The following MGAT4C variants were observed in gnomAD, a reference collection of about 807,000 sequenced individuals.
MGAT4C encodes MGAT4 family member C, also known as alpha-1,3-mannosyl-glycoprotein 4-beta-N-acetylglucosaminyltransferase C.
In MGAT4C, 19 loss-of-function variants were observed where a neutral mutation model predicts 40.1. The observed-to-expected ratio is 0.47, with a 90% confidence interval of 0.33 to 0.70. The LOEUF (loss-of-function observed/expected upper bound fraction) is 0.70, where lower values mean the gene tolerates loss of function less well. Among genes scored for constraint, MGAT4C ranks in the 30% least tolerant of loss-of-function variants. MGAT4C has a pLI of 0.02. For missense variants in MGAT4C, 491 were observed against 563.2 expected, an observed-to-expected ratio of 0.87 and a Z score of 1.30; for synonymous variants, 181 against 187.1, an observed-to-expected ratio of 0.97 and a Z score of 0.27.
intron 4 of MGAT4C, among the ~76,000 whole-genome samples, chr12:86,264,175 CTT>C (rs933609681): frequency 1.3e-5 from 2 of 152,082 alleles, no homozygotes; most frequent in African/African-American, 4.8e-5. Context: ...TGTGCAGAAG[CTT>C]TTTAGTTTAA....
intron 2 of MGAT4C, among the ~76,000 whole-genome samples, chr12:86,652,392 T>G (rs992636988): frequency 5.9e-5 from 9 of 151,862 alleles, no homozygotes; most frequent in Non-Finnish European, 1.2e-4. Flanking sequence ...CATGAACGAT[T>G]TTTAAATTTC....
At chr12:86,076,454 G>A (rs535190020) in intron 1 of MGAT4C, among the ~76,000 whole-genome samples, 63 of 152,122 alleles carry the variant, frequency 4.1e-4, no homozygotes, top group Non-Finnish European at 7.4e-4. Flanking sequence ...CACAGTTTCA[G>A]GTATCTTTTC....
chr12:86,270,865 T>A (rs1952928100), intron 4 of MGAT4C, among the ~76,000 whole-genome samples: 1 of 152,166 alleles, frequency 6.6e-6, no homozygotes, highest in African/African-American at 2.4e-5. Context: ...AAATGTCATG[T>A]ATTTATAACT....
chr12:86,790,019 TGTTA>T (rs985770901), intron 1 of MGAT4C, among the ~76,000 whole-genome samples: 24 of 152,256 alleles, frequency 1.6e-4, no homozygotes, highest in African/African-American at 5.8e-4. Context: ...TTCTTTGAGC[TGTTA>T]GTGAGACCAT....
chr12:86,696,016 C>A (rs954267970), intron 2 of MGAT4C, among the ~76,000 whole-genome samples: 1 of 151,790 alleles, frequency 6.6e-6, no homozygotes, highest in Non-Finnish European at 1.5e-5. Flanking sequence ...TCAAGACCAT[C>A]CTGGCCAACA....
At chr12:86,212,377 T>C (rs906498022) in intron 1 of MGAT4C, among the ~76,000 whole-genome samples, 1 of 152,084 alleles carries the variant, frequency 6.6e-6, no homozygotes, top group Admixed American at 6.5e-5. Flanking sequence ...AAAATAAGTA[T>C]AGTAATTTTC....
At chr12:86,624,063 G>A (rs755466230) in intron 2 of MGAT4C, among the ~76,000 whole-genome samples, 16 of 152,154 alleles carry the variant, frequency 1.1e-4, no homozygotes, top group Non-Finnish European at 1.9e-4. Flanking sequence ...CTCACTCAGG[G>A]TAAACACCAC....
intron 2 of MGAT4C, among the ~76,000 whole-genome samples, chr12:86,543,348 T>C (rs1031329514): frequency 4.6e-5 from 7 of 151,746 alleles, no homozygotes; most frequent in African/African-American, 1.7e-4. Flanking sequence ...CACATTTCTT[T>C]TTTTAAACCT....
intron 2 of MGAT4C, among the ~76,000 whole-genome samples, chr12:86,650,416 T>C (rs78622745): frequency 2.0e-5 from 3 of 151,836 alleles, no homozygotes; most frequent in African/African-American, 7.2e-5. Flanking sequence ...AGCTAGCATA[T>C]TGCAATGTAA....
intron 1 of MGAT4C, among the ~76,000 whole-genome samples, chr12:86,085,285 A>G (rs1871571302): frequency 1.3e-5 from 2 of 152,048 alleles, no homozygotes; most frequent in African/African-American, 4.8e-5. Flanking sequence ...ACCCATGCCT[A>G]TGTCCTGAAC....
intron 2 of MGAT4C, among the ~76,000 whole-genome samples, chr12:85,995,841 C>T (rs1288603779): frequency 6.6e-6 from 1 of 152,160 alleles, no homozygotes; most frequent in Non-Finnish European, 1.5e-5. Context: ...CACTGCACTC[C>T]AGCCTAGGCA....
intron 1 of MGAT4C, among the ~76,000 whole-genome samples, chr12:86,246,293 C>T (rs1401147739): frequency 3.4e-5 from 5 of 147,384 alleles, no homozygotes; most frequent in African/African-American, 5.0e-5. Context: ...TCACGCCATT[C>T]TCCTGCCTCA....
At chr12:86,671,337 T>C (rs929035577) in intron 2 of MGAT4C, among the ~76,000 whole-genome samples, 1 of 152,182 alleles carries the variant, frequency 6.6e-6, no homozygotes, top group Non-Finnish European at 1.5e-5. Context: ...CTTTTTTTTC[T>C]AAATGGGAAA....
chr12:86,639,642 C>A (rs765028960), intron 2 of MGAT4C, among the ~76,000 whole-genome samples: 39 of 151,584 alleles, frequency 2.6e-4, no homozygotes, highest in Non-Finnish European at 5.3e-4. Flanking sequence ...TGAAGTTGAG[C>A]AAAATTATCA....
rs1883629552 is a variant in MGAT4C at position 85,971,665 on chromosome 12, C to T, written c.*7624G>A. ...GATACGTACCAAAATTGTCTTTTGACCCTCTCAGGGAGTCAAGTTTTGATT... is the reference window on the plus strand; with the variant it reads ...GATACGTACCAAAATTGTCTTTTGATCCTCTCAGGGAGTCAAGTTTTGATT... On this transcript the variant is annotated 3_prime_UTR_variant, in exon 5 of 5. Transcript: ENST00000611864. 2 of 151,112 alleles carry T rather than the reference C, an allele frequency of 1.3e-5. No individual in the cohort carries two copies. The highest frequency in any genetic ancestry group is 3.0e-5 in the Non-Finnish European group (2 of 67,310). The allele number at this position is 151,112 out of a possible 1,614,324, so 9.4% of individuals were successfully genotyped here.
chr12:86,828,669 T>C (rs999695399), intron 1 of MGAT4C, among the ~76,000 whole-genome samples: 3 of 151,496 alleles, frequency 2.0e-5, no homozygotes, highest in Admixed American at 1.3e-4. Flanking sequence ...ATTTGGTATG[T>C]ACAAAGAATG....
At chr12:86,142,600 T>G (rs117735003) in intron 1 of MGAT4C, among the ~76,000 whole-genome samples, 1 of 152,128 alleles carries the variant, frequency 6.6e-6, no homozygotes, top group Non-Finnish European at 1.5e-5. Flanking sequence ...TACAGCTGAA[T>G]AGCTGAATAT....
chr12:86,491,104 G>C (rs896336435), intron 2 of MGAT4C, among the ~76,000 whole-genome samples: 2 of 152,058 alleles, frequency 1.3e-5, no homozygotes, highest in African/African-American at 4.8e-5. Context: ...GGAAGAAGTT[G>C]AATCTCTGAA....
At chr12:86,240,114 T>C (rs993432958) in intron 1 of MGAT4C, among the ~76,000 whole-genome samples, 1 of 151,490 alleles carries the variant, frequency 6.6e-6, no homozygotes, top group African/African-American at 2.4e-5. Context: ...TTAATAAATA[T>C]ATTTGAAATT....
Sources: gnomAD v4.1 joint callset for allele counts (sites outside exome capture counted in the v4.1 genomes callset) on GRCh38, gnomAD v4.1.1 for gene constraint, MANE v1.5 for transcripts, NCBI Gene and HGNC (gene_info 2026-07-23, HGNC 2026-07-21) for gene names.